Variants in ANAPC10 observed in about 807,000 individuals in gnomAD.
ANAPC10 encodes anaphase promoting complex subunit 10.
ANAPC10 carries 12 observed loss-of-function variants against 22.0 expected under a neutral mutation model. That is an observed-to-expected ratio of 0.55 (90% CI 0.35 to 0.88). ANAPC10 has a LOEUF of 0.88. ANAPC10 is among the 40% of genes least tolerant of loss of function. The probability of loss-of-function intolerance (pLI) is 0.01; values close to 1 mark genes in which losing one functional copy is unlikely to be tolerated. For missense variants in ANAPC10, 188 were observed against 220.9 expected, an observed-to-expected ratio of 0.85 and a Z score of 0.94; for synonymous variants, 65 against 69.5, an observed-to-expected ratio of 0.94 and a Z score of 0.32.
chr4:145,075,916 G>A (rs1220025333), intron 3 of ANAPC10, among the ~76,000 whole-genome samples: 2 of 152,294 alleles, frequency 1.3e-5, no homozygotes, highest in South Asian at 4.1e-4. Context: ...TTTGTTGACT[G>A]TTGGACCTGC....
chr4:145,060,814 G>T (rs1217879045), intron 4 of ANAPC10, among the ~76,000 whole-genome samples: 1 of 151,868 alleles, frequency 6.6e-6, no homozygotes, highest in Non-Finnish European at 1.5e-5. Flanking sequence ...TTTAGATATT[G>T]TGGTAGAATA....
intron 4 of ANAPC10, among the ~76,000 whole-genome samples, chr4:145,052,129 T>C (rs1741195748): frequency 6.6e-6 from 1 of 152,062 alleles, no homozygotes; most frequent in Admixed American, 6.6e-5. Context: ...AGTTGGGAGA[T>C]GTTGGTCGAA....
intron 4 of ANAPC10, among the ~76,000 whole-genome samples, chr4:145,062,627 A>T (rs1332642647): frequency 2.0e-5 from 3 of 152,106 alleles, no homozygotes; most frequent in Non-Finnish European, 4.4e-5. Flanking sequence ...AAAAAAAAAA[A>T]GTAAATTAAG....
chr4:145,020,451 A>G (rs1735809990), intron 4 of ANAPC10, among the ~76,000 whole-genome samples: 1 of 152,202 alleles, frequency 6.6e-6, no homozygotes, highest in South Asian at 2.1e-4. Context: ...AAAGCCATCT[A>G]TGACAAACCC....
chr4:145,060,920 G>C (rs1742796093), intron 4 of ANAPC10, among the ~76,000 whole-genome samples: 1 of 152,008 alleles, frequency 6.6e-6, no homozygotes, highest in Admixed American at 6.6e-5. Context: ...AAGGTAAACA[G>C]TATAAATCTC....
rs776582995 is a variant in ANAPC10, at chr4:145,098,155, T to C, written c.-48A>G. On this transcript the variant is annotated 5_prime_UTR_variant, in exon 1 of 5. Transcript: ENST00000507656. The stretch of plus-strand genomic sequence containing the variant: ...CCTGGCTGCTTGCCGAAACTCAGAT[T>C]CTCGGCACCTCCAGCAGCTGGCTTC... 3 of 152,636 alleles carry C rather than the reference T, an allele frequency of 2.0e-5. No individual in the cohort carries two copies. Among genetic ancestry groups the C allele is most frequent in the African/African-American group, 7.2e-5 (3 of 41,460 alleles). 9.5% of individuals were successfully genotyped at this position (152,636 alleles called of 1,614,324 possible).
rs1578991569 is a variant in ANAPC10 at position 145,037,038 on chromosome 4, G to A, written c.327+27534C>T. On this transcript the variant is annotated intron_variant, in intron 4 of 4. Transcript: ENST00000507656. ...TGTGTGTGTGTGTGTGTGTGTGTGT[G>A]TATGTGTGTGCATGCATGAATGTGT... Among the ~76,000 whole-genome samples the A allele has an allele frequency of 1.3e-4, 14 of 107,678 alleles. 1 individual carries two copies. The South Asian group carries it at 4.8e-3, about 37-fold the overall frequency. The allele number at this position is 107,678 out of a possible 152,430, so 70.6% of individuals were successfully genotyped here. A position where few individuals can be genotyped will look rare whatever the true frequency, so the allele number is the denominator to read the frequency against.
At chr4:145,070,235 A>G (rs887873019) in intron 3 of ANAPC10, among the ~76,000 whole-genome samples, 2 of 152,246 alleles carry the variant, frequency 1.3e-5, no homozygotes, top group Non-Finnish European at 2.9e-5. Context: ...ACACTCCGTC[A>G]TATACACATT....
At chr4:145,094,080 G>C (rs542864765) in intron 2 of ANAPC10, among the ~76,000 whole-genome samples, 1 of 152,240 alleles carries the variant, frequency 6.6e-6, no homozygotes, top group South Asian at 2.1e-4. Flanking sequence ...GGATAACTGG[G>C]GACCATTTTG....
intron 4 of ANAPC10, among the ~76,000 whole-genome samples, chr4:145,041,410 T>C (rs1739500871): frequency 1.3e-5 from 2 of 152,214 alleles, no homozygotes; most frequent in South Asian, 4.1e-4. Context: ...TGATAATCAT[T>C]GATAACTGAG....
chr4:145,021,123 T>G (rs574222417), intron 4 of ANAPC10, among the ~76,000 whole-genome samples: 2 of 152,064 alleles, frequency 1.3e-5, no homozygotes, highest in African/African-American at 4.8e-5. Flanking sequence ...ACAAATTCAC[T>G]GCAATCCCCA....
At chr4:145,042,810 G>GT (rs921881466) in intron 4 of ANAPC10, among the ~76,000 whole-genome samples, 16 of 151,132 alleles carry the variant, frequency 1.1e-4, no homozygotes, top group Non-Finnish European at 1.9e-4. Context: ...GCGGTTTTCT[G>GT]TTTTTTTTGG....
At position 145,054,514 on chromosome 4, in the gene ANAPC10, G is replaced by C. The variant is rs1425372986; in HGVS notation, c.327+10058C>G. On this transcript the variant is annotated intron_variant, in intron 4 of 4. Transcript: ENST00000507656. ...CAGAGCTTGCAGTGAGCGAGATCGC[G>C]CCACTGCACTCCAGCCTGGGCAATG... 2.0e-5 allele frequency among the ~76,000 whole-genome samples: 3 copies of C among 148,854 alleles called. No homozygotes were observed. In the South Asian group the frequency reaches 6.4e-4, roughly 32 times the overall value.
At chr4:145,004,546 C>A (rs1402201462) in intron 4 of ANAPC10, among the ~76,000 whole-genome samples, 1 of 152,092 alleles carries the variant, frequency 6.6e-6, no homozygotes, top group African/African-American at 2.4e-5. Context: ...GGGTTTTTAT[C>A]ATGAAAGGAT....
chr4:145,022,520 G>C (rs1284334190), intron 4 of ANAPC10, among the ~76,000 whole-genome samples: 2 of 151,936 alleles, frequency 1.3e-5, no homozygotes, highest in Admixed American at 6.6e-5. Context: ...GGGGGAAAGT[G>C]GGGGGTGAGG....
In ANAPC10 at chr4:145,097,100, G is replaced by C. The variant is rs1748662676; in HGVS notation, c.-12-989C>G. The C allele has an allele frequency of 1.0e-5, 2 of 195,258 alleles. 1 individual carries two copies. Among genetic ancestry groups the C allele is most frequent in the South Asian group, 1.5e-4 (2 of 13,512 alleles). The allele number at this position is 195,258 out of a possible 1,614,324, so 12.1% of individuals were successfully genotyped here. On this transcript the variant is annotated intron_variant, in intron 1 of 4. Coordinates refer to ENST00000507656, the MANE Select transcript of ANAPC10 (RefSeq NM_001256706.2). The stretch of plus-strand genomic sequence containing the variant: ...CGGCACACACCTGTAGTCCCAGGGG[G>C]GCTGAGACAGGAGGATCACCTGAAC...
chr4:145,038,712 C>A (rs1739004258), intron 4 of ANAPC10, among the ~76,000 whole-genome samples: 1 of 151,160 alleles, frequency 6.6e-6, no homozygotes, highest in Non-Finnish European at 1.5e-5. Flanking sequence ...ATCTCAGCTA[C>A]TCAAGAGGCT....
intron 4 of ANAPC10, among the ~76,000 whole-genome samples, chr4:145,054,959 T>A (rs1034450351): frequency 6.6e-6 from 1 of 152,150 alleles, no homozygotes; most frequent in Non-Finnish European, 1.5e-5. Context: ...CCCACCCTTT[T>A]CCATATCACT....
chr4:145,001,654 C>T (rs543580362), intron 4 of ANAPC10, among the ~76,000 whole-genome samples: 1 of 152,302 alleles, frequency 6.6e-6, no homozygotes, highest in South Asian at 2.1e-4. Context: ...TGAATAGGAA[C>T]CACCCACCAC....
Sources: gnomAD v4.1 joint callset for allele counts (sites outside exome capture counted in the v4.1 genomes callset) on GRCh38, gnomAD v4.1.1 for gene constraint, MANE v1.5 for transcripts, NCBI Gene and HGNC (gene_info 2026-07-23, HGNC 2026-07-21) for gene names.